The following TCAF1 variants were observed in gnomAD, a reference collection of about 807,000 sequenced individuals.
TCAF1 encodes the protein TRPM8 channel associated factor 1.
A neutral mutation model predicts 27.3 loss-of-function variants in TCAF1; 4 were observed. That is an observed-to-expected ratio of 0.15 (90% CI 0.07 to 0.34). The LOEUF (loss-of-function observed/expected upper bound fraction) is 0.34. Among genes scored for constraint, TCAF1 ranks in the 10% least tolerant of loss-of-function variants. The probability of loss-of-function intolerance (pLI) is 1.00; values close to 1 mark genes in which losing one functional copy is unlikely to be tolerated. For synonymous variants in TCAF1, 105 were observed against 167.1 expected, an observed-to-expected ratio of 0.63 and a Z score of 2.87; for missense variants, 257 against 425.8, an observed-to-expected ratio of 0.60 and a Z score of 3.49.
At chr7:143,885,132 C>T (rs939877392) in intron 1 of TCAF1, 8 of 985,444 alleles carry the variant, frequency 8.1e-6, no homozygotes, top group Non-Finnish European at 8.4e-6. Context: ...CAGCGGACTG[C>T]ATCGGGAGCC....
intron 1 of TCAF1, among the ~76,000 whole-genome samples, chr7:143,889,986 A>G (rs1380248160): frequency 6.6e-6 from 1 of 150,488 alleles, no homozygotes. Flanking sequence ...TGTGAAGGGC[A>G]CCCATTTTTC....
intron 1 of TCAF1, chr7:143,885,472 A>AC: frequency 4.1e-6 from 4 of 985,128 alleles, no homozygotes; most frequent in Non-Finnish European, 4.8e-6. Context: ...GTCAGTTTCT[A>AC]CCCCAAGATG....
chr7:143,860,027 T>TTATA (rs1173848286), intron 6 of TCAF1, among the ~76,000 whole-genome samples, 181 bp downstream of exon 6: 1 of 24,364 alleles, frequency 4.1e-5, no homozygotes, highest in Non-Finnish European at 9.4e-5. Flanking sequence ...ATATTATATA[T>TTATA]TATATATATA....
At chr7:143,899,161 CAGG>C (rs1281387491) in intron 1 of TCAF1, among the ~76,000 whole-genome samples, 3 of 152,144 alleles carry the variant, frequency 2.0e-5, no homozygotes, top group Admixed American at 6.5e-5. Flanking sequence ...AGAATTCCAA[CAGG>C]TTTATTTGCT....
Position 143,876,131 on chromosome 7 carries a change from G to C in TCAF1, c.478C>G (p.Gln160Glu). 6.2e-7 allele frequency: 1 copy of C among 1,614,134 alleles called. No homozygotes were observed. Among genetic ancestry groups the C allele is most frequent in the Non-Finnish European group, 8.5e-7 (1 of 1,180,006 alleles). ...IGGQAWDWANQGEDERVLFTF... is the reference protein window; with the variant it reads ...IGGQAWDWANEGEDERVLFTF... Reference sequence around the variant, plus strand: ...AACAGAACCCTTTCATCCTCCCCCTGGTTGGCCCAATCCCAGGCTTGTCCT... The same window carrying C: ...AACAGAACCCTTTCATCCTCCCCCTCGTTGGCCCAATCCCAGGCTTGTCCT... The change falls in exon 2 of 9, where the codon CAG becomes GAG. Residue 160 changes from glutamine to glutamate, a missense_variant. This residue lies in a region of TCAF1 where 255 missense variants were observed against 260.1 expected (regional missense o/e 0.98). Transcript: ENST00000479870.
At chr7:143,887,522 A>G (rs1157145952) in intron 1 of TCAF1, among the ~76,000 whole-genome samples, 2 of 152,312 alleles carry the variant, frequency 1.3e-5, no homozygotes, top group South Asian at 2.1e-4. Flanking sequence ...GCAACGCAAA[A>G]TAAGACTATT....
intron 1 of TCAF1, among the ~76,000 whole-genome samples, chr7:143,893,994 T>C (rs1464749611): frequency 6.6e-6 from 1 of 151,638 alleles, no homozygotes; most frequent in African/African-American, 2.4e-5. Flanking sequence ...GAATGATCAA[T>C]AAAGAGACAC....
rs1014091006 is a variant in TCAF1 at position 143,876,205 on chromosome 7, G to A, written c.404C>T (p.Thr135Ile). ...YCIDAYNETM[T>I]EKLVKFMKCG... ...TTTCATGAACTTGACCAGCTTTTCTGTCATGGTTTCATTGTAGGCATCAAT... is the reference window on the plus strand; with the variant it reads ...TTTCATGAACTTGACCAGCTTTTCTATCATGGTTTCATTGTAGGCATCAAT... Residue 135 changes from threonine (T) to isoleucine (I), a missense_variant, in exon 2 of 9, where the codon ACA (threonine) becomes ATA (isoleucine). By Grantham distance (89) the Thr-to-Ile change is moderately conservative. Transcript: ENST00000479870. 2.5e-6 allele frequency: 4 copies of A among 1,614,076 alleles called. No homozygotes were observed. In the African/African-American group the frequency reaches 5.3e-5, roughly 22 times the overall value.
chr7:143,890,306 T>C (rs1046268802), intron 1 of TCAF1, among the ~76,000 whole-genome samples: 3 of 152,308 alleles, frequency 2.0e-5, no homozygotes, highest in African/African-American at 7.2e-5. Context: ...GTTAATAATG[T>C]AAAAATACTG....
intron 2 of TCAF1, among the ~76,000 whole-genome samples, chr7:143,874,947 T>G (rs1562960186): frequency 6.6e-6 from 1 of 152,190 alleles, no homozygotes; most frequent in African/African-American, 2.4e-5. Context: ...ACAGAGAGTT[T>G]GAACTCCTTT....
chr7:143,875,385 G>T (rs1812639702), intron 2 of TCAF1, among the ~76,000 whole-genome samples: 1 of 151,976 alleles, frequency 6.6e-6, no homozygotes, highest in Non-Finnish European at 1.5e-5. Context: ...AAGCAGGCAG[G>T]GCAGTACACT....
At chr7:143,859,862 T>TACATATATAC in intron 6 of TCAF1, among the ~76,000 whole-genome samples, 1 of 64,718 alleles carries the variant, frequency 1.5e-5, no homozygotes, top group Admixed American at 2.2e-4. Flanking sequence ...CTGTTTTATA[T>TACATATATAC]ACACATATAC....
intron 2 of TCAF1, among the ~76,000 whole-genome samples, chr7:143,871,385 C>T (rs1242666391): frequency 5.3e-5 from 7 of 132,226 alleles, no homozygotes; most frequent in South Asian, 2.9e-4. Flanking sequence ...GTAATGTATT[C>T]GATCTTAAAA....
chr7:143,900,201 C>T (rs748987325), intron 1 of TCAF1, among the ~76,000 whole-genome samples: 20 of 152,156 alleles, frequency 1.3e-4, no homozygotes, highest in Non-Finnish European at 2.1e-4. Flanking sequence ...AAAGTGGCCC[C>T]GATAATCCCT....
chr7:143,878,610 T>C (rs1812850080), intron 1 of TCAF1, among the ~76,000 whole-genome samples: 1 of 152,184 alleles, frequency 6.6e-6, no homozygotes, highest in African/African-American at 2.4e-5. Flanking sequence ...ACGTTTCTAG[T>C]AGTTAAACAG....
intron 1 of TCAF1, chr7:143,882,391 G>GCGGATTAGA: frequency 3.0e-6 from 3 of 985,406 alleles, no homozygotes; most frequent in Non-Finnish European, 3.6e-6. Context: ...CGACAAAGCA[G>GCGGATTAGA]CGGATTAGAC....
chr7:143,882,630 C>A, intron 1 of TCAF1: 3 of 985,374 alleles, frequency 3.0e-6, no homozygotes, highest in Non-Finnish European at 2.4e-6. Flanking sequence ...GCCCCGCACC[C>A]CCGCCCCGGC....
intron 1 of TCAF1, among the ~76,000 whole-genome samples, chr7:143,896,973 G>C (rs1813894723): frequency 6.7e-6 from 1 of 150,176 alleles, no homozygotes; most frequent in South Asian, 2.1e-4. Flanking sequence ...GTTGGTGTTT[G>C]AAAAACTAAT....
rs1161908668 is a variant in TCAF1, at chr7:143,859,917, A to T, written c.2167+291T>A. Among the ~76,000 whole-genome samples, 3 of 63,998 alleles carry T rather than the reference A, an allele frequency of 4.7e-5. 1 individual carries two copies. Among genetic ancestry groups the T allele is most frequent in the Non-Finnish European group, 8.0e-5 (3 of 37,606 alleles). The allele number at this position is 63,998 out of a possible 152,430, so 42.0% of individuals were successfully genotyped here. On this transcript the variant is annotated intron_variant, in intron 6 of 8. Transcript: ENST00000479870. ...ATATATTATATAATATATATTACGG[A>T]ATATATATTATATAATATATATTAT...
Sources: allele counts gnomAD v4.1 joint callset (sites outside exome capture counted in the v4.1 genomes callset), GRCh38; gene constraint gnomAD v4.1.1; regional missense constraint gnomAD v4.1.1; transcripts MANE v1.5; gene names NCBI Gene and HGNC (gene_info 2026-07-23, HGNC 2026-07-21).